Variants in ZNG1A observed in about 807,000 individuals in gnomAD.
ZNG1A encodes Zn regulated GTPase metalloprotein activator 1A.
At chr9:174,965 T>G in the ZNG1A span, among the ~76,000 whole-genome samples, 1 of 151,714 alleles carries the variant, frequency 6.6e-6, no homozygotes, top group African/African-American at 2.4e-5. Context: ...AAATATTGAG[T>G]TTTAACTGCA....
chr9:141,454 G>A, the ZNG1A span, among the ~76,000 whole-genome samples: 2 of 150,062 alleles, frequency 1.3e-5, no homozygotes, highest in Non-Finnish European at 2.9e-5. Flanking sequence ...CTTCATAAGT[G>A]AAGGAGAAAT....
chr9:174,542 C>CA, the ZNG1A span, among the ~76,000 whole-genome samples: 1 of 151,804 alleles, frequency 6.6e-6, no homozygotes, highest in East Asian at 1.9e-4. Flanking sequence ...TAAATGTAAT[C>CA]AGTGTGCAAT....
chr9:154,247 A>G, the ZNG1A span: 3 of 171,642 alleles, frequency 1.7e-5, no homozygotes, highest in Middle Eastern at 2.6e-3. Flanking sequence ...GACTTCACAT[A>G]GGAAGGGGGG....
chr9:148,062 A>G, the ZNG1A span: 1 of 141,974 alleles, frequency 7.0e-6, no homozygotes, highest in African/African-American at 2.7e-5. Context: ...AGATAAAAAT[A>G]AATAAAAATA....
chr9:139,970 C>T, the ZNG1A span, among the ~76,000 whole-genome samples: 1,827 of 150,690 alleles, frequency 0.012, 165 homozygotes, highest in African/African-American at 0.044. Context: ...TAAAAAACGG[C>T]GCACCACGAG....
chr9:137,278 T>C, the ZNG1A span, among the ~76,000 whole-genome samples: 2 of 151,228 alleles, frequency 1.3e-5, no homozygotes, highest in Non-Finnish European at 2.9e-5. Flanking sequence ...GGAAGACGGC[T>C]TAAGCCCAGG....
the ZNG1A span, among the ~76,000 whole-genome samples, chr9:157,752 C>T: frequency 1.4e-5 from 2 of 144,946 alleles, no homozygotes; most frequent in East Asian, 2.0e-4. Context: ...GTGTACAATG[C>T]TACACAAATG....
the ZNG1A span, among the ~76,000 whole-genome samples, chr9:142,771 G>A: frequency 6.9e-6 from 1 of 144,596 alleles, no homozygotes; most frequent in Non-Finnish European, 1.5e-5. Context: ...TTTTTGAAAG[G>A]ATCAACAAAA....
the ZNG1A span, among the ~76,000 whole-genome samples, chr9:152,383 C>T: frequency 6.6e-6 from 1 of 152,150 alleles, no homozygotes; most frequent in South Asian, 2.1e-4. Context: ...TAGAAAAAAT[C>T]ATTCATAAAT....
the ZNG1A span, chr9:153,840 T>C: frequency 1.3e-5 from 2 of 151,614 alleles, no homozygotes; most frequent in South Asian, 4.2e-4. Context: ...GTAGAACTTA[T>C]AAATACTAAG....
chr9:173,875 A>T, the ZNG1A span, among the ~76,000 whole-genome samples: 1 of 152,192 alleles, frequency 6.6e-6, no homozygotes, highest in Non-Finnish European at 1.5e-5. Flanking sequence ...TGGCCAGTGT[A>T]CCACGTGCTC....
At chr9:146,125 G>C in the ZNG1A span, 4 of 1,570,028 alleles carry the variant, frequency 2.5e-6, no homozygotes, top group Non-Finnish European at 3.4e-6. Flanking sequence ...GACTATCAAA[G>C]GCATGAAGAT....
chr9:140,067 G>A, the ZNG1A span, among the ~76,000 whole-genome samples: 1 of 150,742 alleles, frequency 6.6e-6, no homozygotes, highest in African/African-American at 2.5e-5. Context: ...AAACTGCAAG[G>A]CGGCAGCGAG....
chr9:151,272 T>C, the ZNG1A span: 1 of 982,202 alleles, frequency 1.0e-6, no homozygotes, highest in Non-Finnish European at 1.2e-6. Flanking sequence ...TGGCAGCACC[T>C]CTAATCTCTG....
chr9:169,708 C>G, the ZNG1A span, among the ~76,000 whole-genome samples: 1 of 149,894 alleles, frequency 6.7e-6, no homozygotes, highest in African/African-American at 2.5e-5. Flanking sequence ...GTGGCAAGAC[C>G]CTCTACCAGC....
the ZNG1A span, chr9:121,512 T>C: frequency 1.2e-6 from 2 of 1,611,422 alleles, no homozygotes; most frequent in Non-Finnish European, 1.7e-6. Context: ...TCCACTGCTT[T>C]TCTGTTTCTG....
the ZNG1A span, among the ~76,000 whole-genome samples, chr9:140,478 A>G: frequency 1.3e-5 from 2 of 151,528 alleles, no homozygotes; most frequent in African/African-American, 4.9e-5. Flanking sequence ...AAAACTAACA[A>G]ACAGAAAGGA....
chr9:140,642 C>T, the ZNG1A span, among the ~76,000 whole-genome samples: 1 of 151,978 alleles, frequency 6.6e-6, no homozygotes, highest in South Asian at 2.1e-4. Flanking sequence ...GCCTCTCCTC[C>T]TCCAAAGGAA....
At chr9:152,729 T>C in the ZNG1A span, among the ~76,000 whole-genome samples, 15 of 150,730 alleles carry the variant, frequency 1.0e-4, no homozygotes, top group African/African-American at 3.4e-4. Context: ...ACCTCATCTA[T>C]TTATCTTTTC....
Sources: gnomAD v4.1 joint callset for allele counts (sites outside exome capture counted in the v4.1 genomes callset) on GRCh38, gnomAD v4.1.1 for gene constraint, MANE v1.5 for transcripts, NCBI Gene and HGNC (gene_info 2026-07-23, HGNC 2026-07-21) for gene names.